The following MTSS1 variants were observed in gnomAD, a reference collection of about 807,000 sequenced individuals.
MTSS1 encodes the protein protein MTSS 1.
Under a neutral mutation model 79.0 loss-of-function variants are expected in MTSS1, and 18 were observed. The observed-to-expected ratio is 0.23, with a 90% confidence interval of 0.16 to 0.34. The LOEUF is 0.34. Among genes scored for constraint, MTSS1 ranks in the 10% least tolerant of loss-of-function variants. The pLI, the probability that MTSS1 is intolerant of heterozygous loss-of-function variation, is 1.00. For synonymous variants in MTSS1, 341 were observed against 368.6 expected (o/e 0.93, Z 0.86); for missense variants, 815 against 986.2 (o/e 0.83, Z 2.33).
intron 6 of MTSS1, chr8:124,580,584 A>G: frequency 3.9e-6 from 6 of 1,535,810 alleles, no homozygotes; most frequent in Middle Eastern, 1.7e-4. Context: ...GCACACGGTG[A>G]GAAAGTGCAG....
rs572046358 is a variant in MTSS1 at position 124,557,541 on chromosome 8, T to C, written c.1230+140A>G. The C allele has an allele frequency of 1.2e-3, 1,122 of 940,084 alleles. 2 individuals carry two copies. The highest frequency in any genetic ancestry group is 1.1e-3 in the Non-Finnish European group (731 of 639,616). 58.2% of individuals were successfully genotyped at this position (940,084 alleles called of 1,614,324 possible). On this transcript the variant is annotated intron_variant, in intron 11 of 13. Coordinates refer to ENST00000518547, the MANE Select transcript of MTSS1 (RefSeq NM_014751.6). ...TGCTTCTCCCCCAATGGGAGTTTCC[T>C]GAGGGAGAGGCATTATGGGGAAGAA...
At chr8:124,664,256 G>A (rs1822636432) in intron 3 of MTSS1, among the ~76,000 whole-genome samples, 1 of 152,150 alleles carries the variant, frequency 6.6e-6, no homozygotes, top group Non-Finnish European at 1.5e-5. Context: ...TCATCATGGG[G>A]CAGCCAAGCC....
intron 7 of MTSS1, chr8:124,568,149 TCTTGA>T: frequency 1.5e-6 from 1 of 683,364 alleles, no homozygotes; most frequent in Non-Finnish European, 2.3e-6. Flanking sequence ...TGCTGGGCCT[TCTTGA>T]CTTGGTGAGA....
At chr8:124,695,334 A>AC (rs900146896) in intron 3 of MTSS1, among the ~76,000 whole-genome samples, 3 of 130,722 alleles carry the variant, frequency 2.3e-5, no homozygotes, top group African/African-American at 9.6e-5. Flanking sequence ...ATCAAGAGGG[A>AC]TAAAAAAAAA....
At chr8:124,580,686 C>A in intron 6 of MTSS1, 1 of 1,139,752 alleles carries the variant, frequency 8.8e-7, no homozygotes, top group Non-Finnish European at 1.3e-6. Flanking sequence ...TTAAACAGTC[C>A]ATGGCTCGCC....
intron 6 of MTSS1, among the ~76,000 whole-genome samples, chr8:124,584,613 A>G (rs1450117047): frequency 6.6e-6 from 1 of 152,186 alleles, no homozygotes; most frequent in African/African-American, 2.4e-5. Flanking sequence ...CATGAACACC[A>G]TGGAAAATCC....
At chr8:124,562,103 C>G (rs185137847) in intron 10 of MTSS1, among the ~76,000 whole-genome samples, 3 of 152,250 alleles carry the variant, frequency 2.0e-5, no homozygotes, top group African/African-American at 7.2e-5. Context: ...GGAGAGAGGA[C>G]AGAGAGAGGA....
In MTSS1 at chr8:124,589,641, G is replaced by A. The variant is rs756909631; in HGVS notation, c.364C>T (p.Leu122=). Residue 122 remains leucine, a synonymous_variant, in exon 5 of 14, where the codon CTG becomes TTG. Coordinates refer to ENST00000518547, the MANE Select transcript of MTSS1 (RefSeq NM_014751.6). ...GTACCTTTTGCGTGGTCTTTATCCA[G>A]CTGGTTGGCCACTTTCTTCCATTCT... ...MEEWKKVANQ[L]DKDHAKEYKK... is the part of the protein sequence containing the mutation. 9 of 1,613,248 alleles carry A rather than the reference G, an allele frequency of 5.6e-6. No individual in the cohort carries two copies. The African/African-American group carries it at 1.2e-4, about 22-fold the overall frequency.
At chr8:124,689,638 C>T (rs757231290) in intron 3 of MTSS1, among the ~76,000 whole-genome samples, 2 of 150,286 alleles carry the variant, frequency 1.3e-5, no homozygotes, top group Non-Finnish European at 2.9e-5. Flanking sequence ...CCTAACTACT[C>T]GGGAGGATGA....
chr8:124,650,889 A>C (rs1273264382), intron 3 of MTSS1, among the ~76,000 whole-genome samples: 2 of 152,122 alleles, frequency 1.3e-5, no homozygotes, highest in Non-Finnish European at 2.9e-5. Context: ...CAACTCCTCC[A>C]CCTAGTAGCT....
intron 3 of MTSS1, among the ~76,000 whole-genome samples, chr8:124,593,525 G>A (rs1016388462): frequency 1.3e-5 from 2 of 152,196 alleles, no homozygotes; most frequent in Admixed American, 6.5e-5. Context: ...ACAGGGATCT[G>A]GTTAAATCAA....
chr8:124,606,171 G>GTTTTTTTTTTTTTTTTTTTTTT (rs11351219), intron 3 of MTSS1, among the ~76,000 whole-genome samples: 1 of 88,894 alleles, frequency 1.1e-5, no homozygotes, highest in Non-Finnish European at 2.3e-5. Flanking sequence ...TTGGTTTTTT[G>GTTTTTTTTTTTTTTTTTTTTTT]TTTTTTTTTT....
intron 10 of MTSS1, among the ~76,000 whole-genome samples, chr8:124,558,208 A>G (rs1824435529): frequency 6.7e-6 from 1 of 149,578 alleles, no homozygotes; most frequent in Non-Finnish European, 1.5e-5. Context: ...GGTGATAGTG[A>G]TTTGCTCATT....
chr8:124,719,407 T>C (rs1393790032), intron 1 of MTSS1, among the ~76,000 whole-genome samples: 1 of 152,206 alleles, frequency 6.6e-6, no homozygotes, highest in Non-Finnish European at 1.5e-5. Flanking sequence ...TCCTGGACTC[T>C]GTACTCCCAC....
At chr8:124,697,517 C>T (rs934769154) in intron 3 of MTSS1, among the ~76,000 whole-genome samples, 1 of 151,672 alleles carries the variant, frequency 6.6e-6, no homozygotes, top group Non-Finnish European at 1.5e-5. Flanking sequence ...GCCAAGATTG[C>T]GCCATTGCAC....
At chr8:124,583,605 G>A (rs572469545) in intron 6 of MTSS1, among the ~76,000 whole-genome samples, 234 of 152,290 alleles carry the variant, frequency 1.5e-3, no homozygotes, top group African/African-American at 4.1e-3. Flanking sequence ...AAACTGAGTG[G>A]TGGAAGAGCT....
intron 3 of MTSS1, among the ~76,000 whole-genome samples, chr8:124,652,831 A>G (rs1324579857): frequency 2.6e-5 from 4 of 151,880 alleles, no homozygotes; most frequent in African/African-American, 7.3e-5. Flanking sequence ...ATCAAGAGCA[A>G]CTCTAAAGAG....
intron 3 of MTSS1, among the ~76,000 whole-genome samples, chr8:124,632,533 G>C (rs1816191589): frequency 6.6e-6 from 1 of 152,092 alleles, no homozygotes; most frequent in African/African-American, 2.4e-5. Context: ...GATAGATTTT[G>C]CTATAACCTG....
At position 124,597,497 on chromosome 8, in the gene MTSS1, A is replaced by G. The variant is rs940051011; in HGVS notation, c.209-6262T>C. Among the ~76,000 whole-genome samples, 2 of 152,246 alleles carry G rather than the reference A, an allele frequency of 1.3e-5. No homozygotes were observed. The highest frequency in any genetic ancestry group is 2.9e-5 in the Non-Finnish European group (2 of 68,036). ...TCCTTGCCCCCTAAAGTCCGAAGTC[A>G]GATTGCCCCTTGCTGCAGAGACCTG... On this transcript the variant is annotated intron_variant, in intron 3 of 13. Transcript: ENST00000518547. The surrounding 1 kb of genome is among the most constrained non-coding windows in gnomAD (Gnocchi z 4.6).
Sources: gnomAD v4.1 joint callset for allele counts (sites outside exome capture counted in the v4.1 genomes callset) on GRCh38, gnomAD v4.1.1 for gene constraint, Gnocchi (gnomAD v3.1) non-coding constraint, MANE v1.5 for transcripts, NCBI Gene and HGNC (gene_info 2026-07-23, HGNC 2026-07-21) for gene names.